NSUN4: variants seen among roughly 807,000 people sequenced by gnomAD.
NSUN4 encodes NOP2/Sun RNA methyltransferase 4.
NSUN4 carries 31 observed loss-of-function variants against 43.8 expected under a neutral mutation model. The observed-to-expected ratio is 0.71, with a 90% CI of 0.53 to 0.96. The LOEUF (loss-of-function observed/expected upper bound fraction) is 0.96, where lower values mean the gene tolerates loss of function less well. Among genes scored for constraint, NSUN4 ranks in the 40% least tolerant of loss-of-function variants. The pLI is 0.00. For missense variants in NSUN4, 439 were observed against 475.6 expected (o/e 0.92, Z 0.72); for synonymous variants, 167 against 184.1 (o/e 0.91, Z 0.75).
chr1:46,357,427 C>T (rs1663464320), intron 4 of NSUN4, among the ~76,000 whole-genome samples: 1 of 152,248 alleles, frequency 6.6e-6, no homozygotes, highest in Non-Finnish European at 1.5e-5. Context: ...AAGCCATCCG[C>T]CCGCCTTGGC....
At chr1:46,368,763 GTTC>G (rs1247378452), downstream of NSUN4, among the ~76,000 whole-genome samples, 3 of 152,268 alleles carry the variant, frequency 2.0e-5, no homozygotes, top group African/African-American at 7.2e-5. Flanking sequence ...ATAATTCTTT[GTTC>G]TTTAGGCTGG....
At position 46,345,017 on chromosome 1, in the gene NSUN4, T is replaced by G. The variant is rs772515658; in HGVS notation, c.310T>G (p.Ser104Ala). 14 of 1,614,066 alleles carry G rather than the reference T, an allele frequency of 8.7e-6. No homozygotes were observed. The South Asian group carries it at 1.3e-4, about 15-fold the overall frequency. The change falls in exon 2 of 6, where the codon TCC (serine) becomes GCC (alanine). Residue 104 changes from serine to alanine, a missense_variant. Physicochemically the swap from Ser to Ala is moderately conservative, Grantham distance 99. Transcript: ENST00000474844. ...SAKDFVNEAI[S>A]HWELQSEGGQ... Reference sequence around the variant, plus strand: ...CAAGGATTTTGTGAATGAAGCCATCTCCCACTGGGAACTGCAGTCTGAGGG... The same window carrying G: ...CAAGGATTTTGTGAATGAAGCCATCGCCCACTGGGAACTGCAGTCTGAGGG...
intron 4 of NSUN4, among the ~76,000 whole-genome samples, chr1:46,357,673 C>G (rs1036785168): frequency 6.6e-6 from 1 of 152,054 alleles, no homozygotes; most frequent in Admixed American, 6.6e-5. Context: ...AGGAAAGAGT[C>G]TGTAGACATT....
intron 3 of NSUN4, among the ~76,000 whole-genome samples, chr1:46,351,735 G>A (rs1416749628): frequency 6.8e-6 from 1 of 146,736 alleles, no homozygotes; most frequent in Non-Finnish European, 1.5e-5. Context: ...CGCCATCTCG[G>A]CTCACTGCAA....
chr1:46,366,727 A>AAAAAAAAAAG (rs1553178523), downstream of NSUN4, among the ~76,000 whole-genome samples: 24 of 127,898 alleles, frequency 1.9e-4, no homozygotes, highest in Non-Finnish European at 3.8e-4. Context: ...AAAAAAAAAA[A>AAAAAAAAAAG]AAGTGGGTAG....
At chr1:46,382,181 C>T in the NSUN4 span, among the ~76,000 whole-genome samples, 10 of 152,322 alleles carry the variant, frequency 6.6e-5, no homozygotes, top group East Asian at 1.5e-3. Context: ...GATTCAGAGA[C>T]GTAAAAACAA....
In NSUN4 at chr1:46,360,800, T is replaced by C. The variant is rs1663814295; in HGVS notation, c.850T>C (p.Leu284=). ...GTCAAGGAAGAAGGAGCGACAGATATTGCCTGTGCTGCAAGTGCAGCTTCT... is the reference window on the plus strand; with the variant it reads ...GTCAAGGAAGAAGGAGCGACAGATACTGCCTGTGCTGCAAGTGCAGCTTCT... ...KRSRKKERQI[L]PVLQVQLLAA... The change falls in exon 5 of 6, where the codon TTG becomes CTG. Residue 284 remains leucine (L), a synonymous_variant. Coordinates refer to ENST00000474844, the MANE Select transcript of NSUN4 (RefSeq NM_199044.4). The C allele has an allele frequency of 1.2e-6, 2 of 1,613,990 alleles. No individual in the cohort carries two copies. Among genetic ancestry groups the C allele is most frequent in the Non-Finnish European group, 1.7e-6 (2 of 1,179,882 alleles).
chr1:46,369,902 C>T (rs1165532857), downstream of NSUN4, among the ~76,000 whole-genome samples: 1 of 152,132 alleles, frequency 6.6e-6, no homozygotes, highest in Admixed American at 6.5e-5. Context: ...TCATGGGCCC[C>T]CCAGTGGGAA....
At position 46,345,160 on chromosome 1, in the gene NSUN4, A is replaced by G; in HGVS notation, c.437+16A>G. Reference sequence around the variant, plus strand: ...CTCCTGCCAGGTAGGATCTGGAGCCATGACTGGAGCGGTCCTGAGTGTCTG... The same window carrying G: ...CTCCTGCCAGGTAGGATCTGGAGCCGTGACTGGAGCGGTCCTGAGTGTCTG... On this transcript the variant is annotated intron_variant, in intron 2 of 5. Transcript: ENST00000474844. 5 of 1,577,184 alleles carry G rather than the reference A, an allele frequency of 3.2e-6. No individual in the cohort carries two copies. Among genetic ancestry groups the G allele is most frequent in the South Asian group, 1.2e-5 (1 of 86,824 alleles).
intron 1 of NSUN4, chr1:46,343,158 C>T (rs960198805): frequency 1.0e-5 from 4 of 391,112 alleles, no homozygotes; most frequent in African/African-American, 8.5e-5. Context: ...TCCCTGCCCA[C>T]TGTCTGGCTC....
chr1:46,343,359 C>T (rs1422305665), intron 1 of NSUN4: 7 of 399,910 alleles, frequency 1.8e-5, no homozygotes, highest in Non-Finnish European at 1.8e-5. Context: ...CCGGGCCTAC[C>T]CTGATACTGT....
chr1:46,341,926 G>C, intron 1 of NSUN4: 1 of 1,232,888 alleles, frequency 8.1e-7, no homozygotes, highest in Non-Finnish European at 1.0e-6. Flanking sequence ...TCAGCTTTTG[G>C]AACCAGCCCG....
chr1:46,368,448 T>G (rs1403575864), downstream of NSUN4, among the ~76,000 whole-genome samples: 1 of 152,170 alleles, frequency 6.6e-6, no homozygotes, highest in Admixed American at 6.5e-5. Flanking sequence ...GCCTCGCAAC[T>G]TCCACGCTCA....
At chr1:46,373,253 A>T in the NSUN4 span, among the ~76,000 whole-genome samples, 1 of 152,156 alleles carries the variant, frequency 6.6e-6, no homozygotes, top group Non-Finnish European at 1.5e-5. Flanking sequence ...CCATGCTCCT[A>T]GCCAACCTGC....
chr1:46,376,310 T>C, the NSUN4 span, among the ~76,000 whole-genome samples: 1 of 151,258 alleles, frequency 6.6e-6, no homozygotes, highest in Non-Finnish European at 1.5e-5. Context: ...CTCGGGAGGC[T>C]GAGGCAGGGG....
At chr1:46,344,097 T>A (rs1205235308) in intron 1 of NSUN4, 1 of 250,262 alleles carries the variant, frequency 4.0e-6, no homozygotes, top group African/African-American at 2.2e-5. Context: ...ATTTCTCTTT[T>A]ACTCTGCCTC....
At chr1:46,367,818 G>A (rs1664170380), downstream of NSUN4, among the ~76,000 whole-genome samples, 1 of 147,926 alleles carries the variant, frequency 6.8e-6, no homozygotes, top group Non-Finnish European at 1.5e-5. Flanking sequence ...AGGGTGGAGT[G>A]CCGTGGTGTG....
downstream of NSUN4, among the ~76,000 whole-genome samples, chr1:46,369,898 G>GC (rs1427744620): frequency 1.3e-5 from 2 of 152,302 alleles, no homozygotes; most frequent in South Asian, 2.1e-4. Context: ...GATTTCATGG[G>GC]CCCCCCAGTG....
At chr1:46,340,955 A>C (rs779894264) in intron 1 of NSUN4, 36 bp downstream of exon 1, 4 of 1,559,832 alleles carry the variant, frequency 2.6e-6, no homozygotes, top group Non-Finnish European at 2.6e-6. Context: ...GGGAAAAGTG[A>C]GGGTGGAAAC....
Sources: allele counts gnomAD v4.1 joint callset (sites outside exome capture counted in the v4.1 genomes callset), GRCh38; gene constraint gnomAD v4.1.1; transcripts MANE v1.5; gene names NCBI Gene and HGNC (gene_info 2026-07-23, HGNC 2026-07-21).